DCDC1: variants seen among roughly 807,000 people sequenced by gnomAD.
DCDC1 encodes doublecortin domain-containing protein 1.
In DCDC1, 200 loss-of-function variants were observed where a neutral mutation model predicts 178.3. That is an observed-to-expected ratio of 1.12 (90% CI 1.00 to 1.26). DCDC1 has a LOEUF of 1.26. Among genes scored for constraint, DCDC1 ranks in the 50% most tolerant of loss-of-function variants. The pLI is 0.00. For synonymous variants in DCDC1, 690 were observed against 604.8 expected (o/e 1.14, Z -2.07); for missense variants, 1,983 against 1,749.2 (o/e 1.13, Z -2.38).
rs1189187325 is a variant in DCDC1 at position 30,863,710 on chromosome 11, T to C, written c.*1663A>G. The C allele has an allele frequency of 2.0e-5, 3 of 152,230 alleles. No homozygotes were observed. Among genetic ancestry groups the C allele is most frequent in the African/African-American group, 7.2e-5 (3 of 41,462 alleles). The allele number at this position is 152,230 out of a possible 1,614,324, so 9.4% of individuals were successfully genotyped here. The stretch of plus-strand genomic sequence containing the variant: ...TGACGCGTATTTAGAAATCATCCAT[T>C]TGAGAAGTCCAGATTACGTATCCCC... On this transcript the variant is annotated 3_prime_UTR_variant, in exon 39 of 39. Transcript: ENST00000684477.
In DCDC1 at chr11:31,145,364, A is replaced by T. The variant is rs1431154282; in HGVS notation, c.1222-7580T>A. 2.6e-5 allele frequency among the ~76,000 whole-genome samples: 4 copies of T among 152,224 alleles called. No individual in the cohort carries two copies. In the East Asian group the frequency reaches 5.8e-4, roughly 22 times the overall value. On this transcript the variant is annotated intron_variant, in intron 9 of 38. Coordinates refer to ENST00000684477, the MANE Select transcript of DCDC1 (RefSeq NM_001387274.1). ...AGAGGCAGGAGAAATACTCGAAGAT[A>T]GGAACGAGTGCGTTGAGGAAACCAG...
At chr11:30,869,321 AG>A (rs1238056031) in intron 38 of DCDC1, among the ~76,000 whole-genome samples, 2 of 152,262 alleles carry the variant, frequency 1.3e-5, no homozygotes, top group African/African-American at 4.8e-5. Context: ...GTGAGAAGAA[AG>A]TTCTACAAAA....
chr11:31,223,001 C>A (rs1355696272), intron 9 of DCDC1, among the ~76,000 whole-genome samples: 1 of 151,982 alleles, frequency 6.6e-6, no homozygotes, highest in Admixed American at 6.6e-5. Flanking sequence ...CTAATAAAAA[C>A]AATAAACTAT....
chr11:31,108,716 G>T (rs1284141651), intron 12 of DCDC1, among the ~76,000 whole-genome samples: 1 of 152,180 alleles, frequency 6.6e-6, no homozygotes, highest in Non-Finnish European at 1.5e-5. Context: ...GTGACAGACT[G>T]CATTTTAGGT....
At chr11:31,297,854 G>C (rs971405004) in intron 6 of DCDC1, among the ~76,000 whole-genome samples, 2 of 152,018 alleles carry the variant, frequency 1.3e-5, no homozygotes, top group Non-Finnish European at 2.9e-5. Flanking sequence ...TCCCCACTTC[G>C]AGTTGCCCCA....
At chr11:31,341,424 T>TAGATAGATAGACAGAC (rs753529187) in intron 1 of DCDC1, among the ~76,000 whole-genome samples, 10 of 150,454 alleles carry the variant, frequency 6.6e-5, no homozygotes, top group African/African-American at 2.0e-4. Flanking sequence ...GATAGATAGA[T>TAGATAGATAGACAGAC]AGATAGATAG....
intron 9 of DCDC1, among the ~76,000 whole-genome samples, chr11:31,198,752 T>A (rs943624677): frequency 2.0e-5 from 3 of 152,044 alleles, no homozygotes; most frequent in Admixed American, 2.0e-4. Flanking sequence ...ACAACAGGAA[T>A]AATTTTGGAG....
At chr11:31,163,352 A>G (rs1408208508) in intron 9 of DCDC1, among the ~76,000 whole-genome samples, 1 of 152,186 alleles carries the variant, frequency 6.6e-6, no homozygotes, top group Non-Finnish European at 1.5e-5. Flanking sequence ...TATGAACACA[A>G]TAAATGGAAA....
At chr11:31,199,505 A>T (rs920860279) in intron 9 of DCDC1, among the ~76,000 whole-genome samples, 3 of 152,134 alleles carry the variant, frequency 2.0e-5, no homozygotes, top group African/African-American at 7.2e-5. Flanking sequence ...AAGGCAAGGC[A>T]TCGAGACTGT....
In DCDC1 at chr11:31,290,746, C is replaced by T; in HGVS notation, c.861G>A (p.Lys287=). ...KTKPVLSIRM[K]KLTERTSVRI... is the part of the protein sequence containing the mutation. ...GGACTGAGGTCCTCTCAGTAAGTTT[C>T]TTCATTCTAATAGAAAGAACAGGCT... Residue 287 remains lysine (K), a synonymous_variant, in exon 7 of 39, where the codon AAG becomes AAA. Transcript: ENST00000684477. 6.2e-7 allele frequency: 1 copy of T among 1,613,480 alleles called. No homozygotes were observed. The highest frequency in any genetic ancestry group is 8.5e-7 in the Non-Finnish European group (1 of 1,179,568).
chr11:31,319,023 T>C (rs368027310), intron 3 of DCDC1, among the ~76,000 whole-genome samples: 2 of 19,772 alleles, frequency 1.0e-4, no homozygotes, highest in Non-Finnish European at 1.6e-4. Context: ...GTCTGAGAGA[T>C]AGTTTGTTAT....
At chr11:31,238,619 C>G (rs186949495) in intron 9 of DCDC1, among the ~76,000 whole-genome samples, 1 of 152,176 alleles carries the variant, frequency 6.6e-6, no homozygotes, top group East Asian at 1.9e-4. Flanking sequence ...ACCAACAGCA[C>G]CACTACATAA....
intron 20 of DCDC1, among the ~76,000 whole-genome samples, chr11:31,036,980 G>A (rs1235347177): frequency 1.3e-5 from 2 of 152,296 alleles, no homozygotes; most frequent in East Asian, 3.9e-4. Flanking sequence ...AGAGAGGTAA[G>A]TAACATGCCC....
chr11:31,248,233 A>G (rs1027337199), intron 8 of DCDC1, among the ~76,000 whole-genome samples: 1 of 152,064 alleles, frequency 6.6e-6, no homozygotes, highest in African/African-American at 2.4e-5. Flanking sequence ...ATTTGTATTT[A>G]TATTACTATC....
In DCDC1 at chr11:31,137,707, A is replaced by G; in HGVS notation, c.1299T>C (p.His433=). 1.4e-6 allele frequency: 1 copy of G among 702,678 alleles called. No homozygotes were observed. The highest frequency in any genetic ancestry group is 2.6e-6 in the Non-Finnish European group (1 of 384,872). The allele number at this position is 702,678 out of a possible 1,614,324, so 43.5% of individuals were successfully genotyped here. A position where few individuals can be genotyped will look rare whatever the true frequency, so the allele number is the denominator to read the frequency against. The change falls in exon 10 of 39, where the codon CAT becomes CAC. Residue 433 remains histidine (H), a synonymous_variant. Coordinates refer to ENST00000684477, the MANE Select transcript of DCDC1 (RefSeq NM_001387274.1). ...ATTTCCTTACTTCTTCCTGTTCCTT[A>G]TGGTGTTCCTTTGCCGTCATTGAAA... ...VILSMTAKEH[H]KEQEEVSRLI...
intron 27 of DCDC1, among the ~76,000 whole-genome samples, chr11:30,914,359 C>T (rs2134196060): frequency 6.6e-6 from 1 of 152,346 alleles, no homozygotes; most frequent in South Asian, 2.1e-4. Context: ...GCTGCTGCCG[C>T]CTGCTGAAGC....
intron 6 of DCDC1, among the ~76,000 whole-genome samples, chr11:31,294,605 G>A (rs1416039462): frequency 1.0e-4 from 4 of 39,316 alleles, no homozygotes; most frequent in African/African-American, 3.3e-4. Context: ...GATGGGGAGG[G>A]GAGGGGAGGG....
chr11:31,322,155 G>A (rs1949400122), intron 3 of DCDC1, among the ~76,000 whole-genome samples: 1 of 152,152 alleles, frequency 6.6e-6, no homozygotes, highest in African/African-American at 2.4e-5. Context: ...TAAGATCCTT[G>A]TTTTACATCT....
intron 9 of DCDC1, among the ~76,000 whole-genome samples, chr11:31,138,015 G>A (rs1963364353): frequency 6.6e-6 from 1 of 152,030 alleles, no homozygotes; most frequent in Admixed American, 6.5e-5. Flanking sequence ...ATGACTTAGG[G>A]CAAGAGTGTC....
Sources: gnomAD v4.1 joint callset for allele counts (sites outside exome capture counted in the v4.1 genomes callset) on GRCh38, gnomAD v4.1.1 for gene constraint, MANE v1.5 for transcripts, NCBI Gene and HGNC (gene_info 2026-07-23, HGNC 2026-07-21) for gene names.